Variants in ARB2A observed in about 807,000 individuals in gnomAD.
ARB2A encodes the protein cotranscriptional regulator ARB2A.
the ARB2A span, among the ~76,000 whole-genome samples, chr5:93,675,609 A>C: frequency 6.6e-6 from 1 of 152,150 alleles, no homozygotes; most frequent in Non-Finnish European, 1.5e-5. Flanking sequence ...TTTCTCCCAT[A>C]TGTTTACCTA....
At chr5:94,016,088 A>G in the ARB2A span, among the ~76,000 whole-genome samples, 5 of 152,336 alleles carry the variant, frequency 3.3e-5, no homozygotes, top group East Asian at 9.6e-4. Flanking sequence ...TGAAGGGTGG[A>G]AAAAGATATT....
At chr5:93,681,070 T>C in the ARB2A span, among the ~76,000 whole-genome samples, 4 of 152,286 alleles carry the variant, frequency 2.6e-5, no homozygotes, top group African/African-American at 7.2e-5. Context: ...TGTTAATGTG[T>C]AGTGTATCTC....
chr5:94,005,210 T>A, the ARB2A span, among the ~76,000 whole-genome samples: 7 of 152,116 alleles, frequency 4.6e-5, no homozygotes, highest in East Asian at 1.3e-3. Flanking sequence ...TTTTTGTTGT[T>A]GTTGTTGTTT....
chr5:94,014,041 C>T, the ARB2A span, among the ~76,000 whole-genome samples: 1 of 152,164 alleles, frequency 6.6e-6, no homozygotes, highest in South Asian at 2.1e-4. Context: ...CTGCCCCTGC[C>T]TTAACCCATA....
At chr5:94,075,012 T>G in the ARB2A span, among the ~76,000 whole-genome samples, 4 of 152,238 alleles carry the variant, frequency 2.6e-5, no homozygotes, top group African/African-American at 9.6e-5. Flanking sequence ...CTTTCTCTCA[T>G]GTCCACCAAA....
chr5:93,914,651 T>C, the ARB2A span, among the ~76,000 whole-genome samples: 4 of 151,940 alleles, frequency 2.6e-5, no homozygotes, highest in Non-Finnish European at 4.4e-5. Flanking sequence ...TAACTCCTTT[T>C]ATCTGTAAAA....
At chr5:93,883,924 T>TACACATACACAC in the ARB2A span, among the ~76,000 whole-genome samples, 40 of 133,986 alleles carry the variant, frequency 3.0e-4, no homozygotes, top group Non-Finnish European at 3.9e-4. Context: ...CACATACACA[T>TACACATACACAC]ACACACACAC....
chr5:93,791,995 C>T, the ARB2A span, among the ~76,000 whole-genome samples: 1 of 151,436 alleles, frequency 6.6e-6, no homozygotes, highest in Non-Finnish European at 1.5e-5. Flanking sequence ...AGAAAGAAGA[C>T]ACATGCTCTA....
the ARB2A span, among the ~76,000 whole-genome samples, chr5:94,039,239 G>A: frequency 6.6e-6 from 1 of 152,158 alleles, no homozygotes; most frequent in Non-Finnish European, 1.5e-5. Context: ...TAGGAGGTGG[G>A]TAAAATGAGG....
At chr5:93,716,516 A>G in the ARB2A span, among the ~76,000 whole-genome samples, 4 of 152,176 alleles carry the variant, frequency 2.6e-5, 1 homozygote, top group South Asian at 4.2e-4. Context: ...ATTCTGAGCA[A>G]TAAAATCAAA....
the ARB2A span, among the ~76,000 whole-genome samples, chr5:93,724,270 T>G: frequency 6.6e-6 from 1 of 151,914 alleles, no homozygotes; most frequent in Admixed American, 6.6e-5. Context: ...CAAAAGAAAC[T>G]TCATTTTACA....
At chr5:94,059,526 C>T in the ARB2A span, among the ~76,000 whole-genome samples, 1 of 140,982 alleles carries the variant, frequency 7.1e-6, no homozygotes, top group Admixed American at 8.0e-5. Flanking sequence ...GAGGCCGAGG[C>T]AGGAGAATTG....
the ARB2A span, among the ~76,000 whole-genome samples, chr5:94,094,610 T>C: frequency 6.6e-6 from 1 of 152,324 alleles, no homozygotes; most frequent in Non-Finnish European, 1.5e-5. Context: ...GAAGATGCAT[T>C]ACTTCAACAA....
chr5:93,932,715 G>T, the ARB2A span, among the ~76,000 whole-genome samples: 2 of 152,156 alleles, frequency 1.3e-5, no homozygotes, highest in Non-Finnish European at 2.9e-5. Flanking sequence ...CTGGTCTAGA[G>T]TTTGTTTAAC....
chr5:93,766,807 A>G, the ARB2A span, among the ~76,000 whole-genome samples: 33 of 152,266 alleles, frequency 2.2e-4, 1 homozygote, highest in South Asian at 6.4e-3. Flanking sequence ...CAACAATGAT[A>G]GACTGGATTA....
At chr5:93,707,246 A>G in the ARB2A span, among the ~76,000 whole-genome samples, 14 of 152,212 alleles carry the variant, frequency 9.2e-5, no homozygotes, top group Non-Finnish European at 1.5e-4. Flanking sequence ...CAAAAAATAA[A>G]GGATTTACTT....
At chr5:93,875,001 G>A in the ARB2A span, among the ~76,000 whole-genome samples, 1 of 152,154 alleles carries the variant, frequency 6.6e-6, no homozygotes. Context: ...ATTACTTAGA[G>A]ATGAAGTCTT....
At chr5:93,740,605 G>T in the ARB2A span, 1 of 1,599,644 alleles carries the variant, frequency 6.3e-7, no homozygotes, top group South Asian at 1.1e-5. Flanking sequence ...CAGAGTGGTG[G>T]CTGGGGCAGA....
chr5:94,008,175 G>A, the ARB2A span, among the ~76,000 whole-genome samples: 1 of 152,164 alleles, frequency 6.6e-6, no homozygotes, highest in African/African-American at 2.4e-5. Flanking sequence ...TGGGGAGGCT[G>A]TAATTGCTAT....
Sources: gnomAD v4.1 joint callset for allele counts (sites outside exome capture counted in the v4.1 genomes callset) on GRCh38, gnomAD v4.1.1 for gene constraint, MANE v1.5 for transcripts, NCBI Gene and HGNC (gene_info 2026-07-23, HGNC 2026-07-21) for gene names.